Variants in DOCK3 observed in about 807,000 individuals in gnomAD.
DOCK3 encodes the protein dedicator of cytokinesis 3, also known as dedicator of cytokinesis protein 3.
A neutral mutation model predicts 265.6 loss-of-function variants in DOCK3; 60 were observed. The ratio of observed to expected loss-of-function variants is 0.23; its 90% CI spans 0.18 to 0.28. The LOEUF is 0.28. Ranked by LOEUF, DOCK3 falls within the 10% of genes least tolerant of loss-of-function variation. The probability of loss-of-function intolerance (pLI) is 1.00; values close to 1 mark genes in which losing one functional copy is unlikely to be tolerated. For missense variants in DOCK3, 1,981 were observed against 2,594.3 expected (o/e 0.76, Z 5.14); for synonymous variants, 881 against 938.0 (o/e 0.94, Z 1.11).
At chr3:51,068,188 A>G (rs1158255721) in intron 6 of DOCK3, among the ~76,000 whole-genome samples, 1 of 152,188 alleles carries the variant, frequency 6.6e-6, no homozygotes, top group African/African-American at 2.4e-5. Flanking sequence ...TTGATTAAAT[A>G]TGTCTACATC....
intron 2 of DOCK3, among the ~76,000 whole-genome samples, chr3:50,780,712 CT>C (rs1297921389): frequency 3.9e-5 from 6 of 152,074 alleles, no homozygotes; most frequent in Non-Finnish European, 5.9e-5. Context: ...TTCCTTCTAG[CT>C]TTTTGAAACT....
At chr3:51,163,545 G>T (rs2107554253) in intron 12 of DOCK3, among the ~76,000 whole-genome samples, 1 of 152,098 alleles carries the variant, frequency 6.6e-6, no homozygotes, top group East Asian at 1.9e-4. Context: ...TTGACCCGAA[G>T]GACAAGGGGT....
intron 2 of DOCK3, among the ~76,000 whole-genome samples, chr3:50,818,214 A>G (rs549719965): frequency 4.3e-4 from 65 of 152,268 alleles, no homozygotes; most frequent in African/African-American, 1.6e-3. Flanking sequence ...TAGAGTTCTG[A>G]TTGTTTTTCT....
chr3:51,301,532 G>A (rs1475307726), intron 27 of DOCK3, among the ~76,000 whole-genome samples: 4 of 151,884 alleles, frequency 2.6e-5, no homozygotes, highest in Admixed American at 6.6e-5. Flanking sequence ...CTAGCTTTTT[G>A]ATGTGGGCAT....
At position 50,766,631 on chromosome 3, in the gene DOCK3, T is replaced by C. The variant is rs1212164694; in HGVS notation, c.38-12044T>C. ...AGCATGATTTATAATCCTTTGGGCA[T>C]ATACCCAGTAATGGGATGGCTGGGT... On this transcript the variant is annotated intron_variant, in intron 1 of 52. Coordinates refer to ENST00000266037, the MANE Select transcript of DOCK3 (RefSeq NM_004947.5). Among the ~76,000 whole-genome samples, 31 of 152,208 alleles carry C rather than the reference T, an allele frequency of 2.0e-4. 1 individual carries two copies. The highest frequency in any genetic ancestry group is 2.0e-3 in the Admixed American group (31 of 15,278).
At position 51,381,405 on chromosome 3, in the gene DOCK3, C is replaced by T. The variant is rs375230527; in HGVS notation, c.5939C>T (p.Pro1980Leu). ...PPALPPKPYHPRLPALEHDEG... is the reference protein window; with the variant it reads ...PPALPPKPYHLRLPALEHDEG... ...GCGCTGCCGCCCAAGCCCTACCACC[C>T]CCGCCTGCCGGCCCTGGAGCACGAT... The change falls in exon 53 of 53, where the codon CCC becomes CTC. Residue 1980 changes from proline to leucine, a missense_variant. Coordinates refer to ENST00000266037, the MANE Select transcript of DOCK3 (RefSeq NM_004947.5). This position sits in a 1 kb window ranked among gnomAD's most constrained non-coding sequence, Gnocchi z 5.6. The T allele has an allele frequency of 6.2e-7, 1 of 1,612,482 alleles. No homozygotes were observed. The highest frequency in any genetic ancestry group is 8.5e-7 in the Non-Finnish European group (1 of 1,179,700).
intron 5 of DOCK3, among the ~76,000 whole-genome samples, chr3:50,946,619 T>C (rs1223003136): frequency 1.3e-5 from 2 of 152,318 alleles, no homozygotes; most frequent in East Asian, 3.9e-4. Context: ...CTTTCCTGAC[T>C]CCCTTGAAGC....
chr3:50,743,147 G>C (rs1490761775), intron 1 of DOCK3, among the ~76,000 whole-genome samples: 1 of 137,448 alleles, frequency 7.3e-6, no homozygotes, highest in Non-Finnish European at 1.5e-5. Context: ...AGTGCTGAGA[G>C]ATTTTGTCAC....
At chr3:50,896,071 T>C (rs927940304) in intron 4 of DOCK3, among the ~76,000 whole-genome samples, 13 of 152,212 alleles carry the variant, frequency 8.5e-5, no homozygotes, top group African/African-American at 2.9e-4. Flanking sequence ...GTATTTCTGG[T>C]TCTAGATCCT....
chr3:51,160,699 A>C lies in DOCK3; in HGVS notation c.1034A>C (p.Tyr345Ser). The C allele has an allele frequency of 6.2e-7, 1 of 1,611,162 alleles. No individual in the cohort carries two copies. Among genetic ancestry groups the C allele is most frequent in the Non-Finnish European group, 8.5e-7 (1 of 1,178,910 alleles). Residue 345 changes from tyrosine to serine, a missense_variant, in exon 12 of 53, where the codon TAC becomes TCC. Physicochemically the swap from Tyr to Ser is moderately radical, Grantham distance 144. Coordinates refer to ENST00000266037, the MANE Select transcript of DOCK3 (RefSeq NM_004947.5). ...KEEKDFVLKV[Y>S]TCNNESEWSQ... is the part of the protein sequence containing the mutation. ...GAAAAGGATTTTGTTCTTAAGGTTT[A>C]CACGTGAGTAATGGACATCAGGAAT...
At chr3:51,266,741 C>T (rs991835233) in intron 23 of DOCK3, among the ~76,000 whole-genome samples, 19 of 152,174 alleles carry the variant, frequency 1.2e-4, no homozygotes, top group African/African-American at 4.6e-4. Context: ...AAAATCTAGG[C>T]AATACCATTC....
At chr3:51,139,746 G>C (rs1448039054) in intron 9 of DOCK3, among the ~76,000 whole-genome samples, 2 of 152,216 alleles carry the variant, frequency 1.3e-5, no homozygotes, top group East Asian at 3.8e-4. Context: ...TACTGCTCTT[G>C]CCAACATATC....
chr3:51,104,069 A>C (rs1162123169), intron 9 of DOCK3, among the ~76,000 whole-genome samples: 1 of 152,192 alleles, frequency 6.6e-6, no homozygotes, highest in Non-Finnish European at 1.5e-5. Flanking sequence ...AGGATAAATG[A>C]GGAGGGAGTT....
chr3:51,305,834 C>CTTTTTTTTTTTTTTTT (rs761039681), intron 27 of DOCK3, among the ~76,000 whole-genome samples: 7 of 50,552 alleles, frequency 1.4e-4, no homozygotes, highest in East Asian at 7.3e-4. Context: ...ATTTCTTCTT[C>CTTTTTTTTTTTTTTTT]TTTTTTTTTT....
intron 19 of DOCK3, among the ~76,000 whole-genome samples, chr3:51,232,138 G>GT (rs201949934): frequency 4.4e-4 from 67 of 151,120 alleles, no homozygotes; most frequent in African/African-American, 8.0e-4. Context: ...TCTTTTTTAT[G>GT]TTTTTTTTTA....
intron 1 of DOCK3, among the ~76,000 whole-genome samples, chr3:50,769,465 A>C (rs1001763350): frequency 6.6e-6 from 1 of 152,156 alleles, no homozygotes; most frequent in African/African-American, 2.4e-5. Flanking sequence ...TTTCCTTTAC[A>C]ATATGGACCT....
intron 31 of DOCK3, among the ~76,000 whole-genome samples, 153 bp from the exon 32 acceptor site, chr3:51,314,827 T>C (rs2083280009): frequency 6.6e-6 from 1 of 152,212 alleles, no homozygotes; most frequent in Non-Finnish European, 1.5e-5. Context: ...CTCTAAAAAG[T>C]TGAGGGAGAG....
intron 5 of DOCK3, among the ~76,000 whole-genome samples, chr3:51,029,122 A>G (rs902510532): frequency 4.0e-5 from 6 of 151,796 alleles, no homozygotes; most frequent in Non-Finnish European, 5.9e-5. Flanking sequence ...ACTGTGCTGT[A>G]TGTTGTATAT....
At chr3:50,976,029 CTCTT>C (rs2077438173) in intron 5 of DOCK3, among the ~76,000 whole-genome samples, 1 of 151,476 alleles carries the variant, frequency 6.6e-6, no homozygotes, top group Non-Finnish European at 1.5e-5. Context: ...TGATTCTTCT[CTCTT>C]TTTTTCTTTA....
Sources: gnomAD v4.1 joint callset for allele counts (sites outside exome capture counted in the v4.1 genomes callset) on GRCh38, gnomAD v4.1.1 for gene constraint, Gnocchi (gnomAD v3.1) non-coding constraint, MANE v1.5 for transcripts, NCBI Gene and HGNC (gene_info 2026-07-23, HGNC 2026-07-21) for gene names.